The following TPD52L1 variants were observed in gnomAD, a reference collection of about 807,000 sequenced individuals.
TPD52L1 encodes TPD52 like 1.
Under a neutral mutation model 28.7 loss-of-function variants are expected in TPD52L1, and 18 were observed. That is an observed-to-expected ratio of 0.63 (90% CI 0.43 to 0.93). The LOEUF is 0.93. TPD52L1 is among the 40% of genes least tolerant of loss of function. The probability of loss-of-function intolerance (pLI) is 0.00; values close to 1 mark genes in which losing one functional copy is unlikely to be tolerated. For synonymous variants in TPD52L1, 75 were observed against 88.8 expected (o/e 0.84, Z 0.88); for missense variants, 203 against 254.8 (o/e 0.80, Z 1.39).
At chr6:125,174,501 C>T (rs1791702771) in intron 1 of TPD52L1, among the ~76,000 whole-genome samples, 3 of 152,096 alleles carry the variant, frequency 2.0e-5, no homozygotes, top group South Asian at 4.2e-4. Context: ...AAATCTGAAG[C>T]ATCAATTGTA....
intron 1 of TPD52L1, among the ~76,000 whole-genome samples, chr6:125,205,298 T>C (rs1418761170): frequency 6.6e-6 from 1 of 152,192 alleles, no homozygotes; most frequent in Admixed American, 6.5e-5. Flanking sequence ...TGATCTTATG[T>C]GGTAATGAAA....
At chr6:125,206,678 T>C (rs1330713190) in intron 1 of TPD52L1, among the ~76,000 whole-genome samples, 2 of 152,184 alleles carry the variant, frequency 1.3e-5, no homozygotes, top group Non-Finnish European at 2.9e-5. Flanking sequence ...TGAATGATTA[T>C]ATAAGAATTT....
intron 3 of TPD52L1, among the ~76,000 whole-genome samples, chr6:125,244,045 CT>C (rs199866438): frequency 0.01 from 1,527 of 151,956 alleles, 29 homozygotes; most frequent in African/African-American, 0.035. Flanking sequence ...ATTCTTGGTG[CT>C]TGTAGGGTTG....
chr6:125,238,518 C>T (rs1796418280), intron 3 of TPD52L1, among the ~76,000 whole-genome samples: 1 of 151,776 alleles, frequency 6.6e-6, no homozygotes, highest in Non-Finnish European at 1.5e-5. Context: ...CGAACCCTTT[C>T]CCCCGAGTCC....
At chr6:125,231,942 C>CT (rs1219437931) in intron 3 of TPD52L1, among the ~76,000 whole-genome samples, 1 of 152,114 alleles carries the variant, frequency 6.6e-6, no homozygotes, top group East Asian at 1.9e-4. Flanking sequence ...GCATCTGACA[C>CT]TTTGTAGGCA....
chr6:125,182,985 G>T (rs1375046978), intron 1 of TPD52L1, among the ~76,000 whole-genome samples: 1 of 152,204 alleles, frequency 6.6e-6, no homozygotes, highest in Non-Finnish European at 1.5e-5. Context: ...TGTGAGGACA[G>T]CCAAAAGACA....
intron 1 of TPD52L1, among the ~76,000 whole-genome samples, chr6:125,158,464 A>T (rs954197219): frequency 6.6e-6 from 1 of 152,224 alleles, no homozygotes. Context: ...TGCTCACAGA[A>T]CATTTATATA....
At chr6:125,154,002 G>C in intron 1 of TPD52L1, 32 bp downstream of exon 1, 1 of 1,595,746 alleles carries the variant, frequency 6.3e-7, no homozygotes, top group Non-Finnish European at 8.5e-7. Flanking sequence ...CGAGAGTCAG[G>C]TCCTGGGGCG....
At chr6:125,195,223 G>A (rs1386859479) in intron 1 of TPD52L1, among the ~76,000 whole-genome samples, 1 of 152,194 alleles carries the variant, frequency 6.6e-6, no homozygotes, top group Non-Finnish European at 1.5e-5. Flanking sequence ...CATTAAGATG[G>A]CAGCAGGTTT....
intron 4 of TPD52L1, among the ~76,000 whole-genome samples, chr6:125,251,852 G>T (rs1275116669): frequency 6.6e-6 from 1 of 152,198 alleles, no homozygotes; most frequent in East Asian, 1.9e-4. Context: ...TTGGTAAAAT[G>T]ATTTGTCAGA....
rs528984006 is a variant in TPD52L1 at position 125,190,064 on chromosome 6, C to G, written c.20-30014C>G. Among the ~76,000 whole-genome samples, 7 of 152,102 alleles carry G rather than the reference C, an allele frequency of 4.6e-5. No homozygotes were observed. In the East Asian group the frequency reaches 1.4e-3, roughly 29 times the overall value. ...AGGACAGAAGGAAGTATAGATATAGCTATCTGCTTCTAAGACATTTGCCAT... is the reference window on the plus strand; with the variant it reads ...AGGACAGAAGGAAGTATAGATATAGGTATCTGCTTCTAAGACATTTGCCAT... On this transcript the variant is annotated intron_variant, in intron 1 of 6. Transcript: ENST00000534000.
At chr6:125,172,153 TTTCTTTTCTTTCTTTC>T (rs1346274713) in intron 1 of TPD52L1, among the ~76,000 whole-genome samples, 890 of 58,566 alleles carry the variant, frequency 0.015, 2 homozygotes, top group Non-Finnish European at 0.018. Flanking sequence ...TCTTTCTTTC[TTTCTTTTCTTTCTTTC>T]TTTCTTTCTT....
In TPD52L1 at chr6:125,153,988, G is replaced by T. The variant is rs1410998649; in HGVS notation, c.19+18G>T. The T allele has an allele frequency of 2.5e-6, 4 of 1,604,926 alleles. No individual in the cohort carries two copies. Among genetic ancestry groups the T allele is most frequent in the Admixed American group, 1.7e-5 (1 of 59,284 alleles). Reference sequence around the variant, plus strand: ...GGCACAAGGTGAGTGGTCGCCGATCGCCCCGAGAGTCAGGTCCTGGGGCGC... The same window carrying T: ...GGCACAAGGTGAGTGGTCGCCGATCTCCCCGAGAGTCAGGTCCTGGGGCGC... On this transcript the variant is annotated intron_variant, in intron 1 of 6. Coordinates refer to ENST00000534000, the MANE Select transcript of TPD52L1 (RefSeq NM_003287.4).
intron 1 of TPD52L1, chr6:125,154,471 G>C: frequency 1.0e-6 from 1 of 985,944 alleles, no homozygotes; most frequent in Non-Finnish European, 1.2e-6. Flanking sequence ...TTCCCGCTCG[G>C]GGACCCGCCT....
chr6:125,260,986 G>GA (rs71024717), intron 6 of TPD52L1: 4 of 25,542 alleles, frequency 1.6e-4, no homozygotes, highest in Admixed American at 5.0e-4. Context: ...GAAAAGAAAA[G>GA]AAAGAAAGAA....
chr6:125,258,549 A>G (rs1232436306), intron 6 of TPD52L1, among the ~76,000 whole-genome samples: 1 of 152,210 alleles, frequency 6.6e-6, no homozygotes, highest in African/African-American at 2.4e-5. Context: ...ACAAGTTCTG[A>G]CAAAGGACAA....
chr6:125,159,711 A>G (rs548961025), intron 1 of TPD52L1, among the ~76,000 whole-genome samples: 22 of 152,356 alleles, frequency 1.4e-4, no homozygotes, highest in Admixed American at 1.2e-3. Context: ...TTCTTAAATA[A>G]TACGACTTGA....
intron 3 of TPD52L1, among the ~76,000 whole-genome samples, chr6:125,242,375 G>A (rs954204778): frequency 6.6e-6 from 1 of 151,994 alleles, no homozygotes; most frequent in South Asian, 2.1e-4. Flanking sequence ...CATGTCTAGT[G>A]CTGTCATTGT....
chr6:125,157,522 G>T (rs1203259875), intron 1 of TPD52L1, among the ~76,000 whole-genome samples: 1 of 152,142 alleles, frequency 6.6e-6, no homozygotes. Context: ...CAGGAGAATG[G>T]CATTCCTATT....
Sources: gnomAD v4.1 joint callset for allele counts (sites outside exome capture counted in the v4.1 genomes callset) on GRCh38, gnomAD v4.1.1 for gene constraint, MANE v1.5 for transcripts, NCBI Gene and HGNC (gene_info 2026-07-23, HGNC 2026-07-21) for gene names.